SAMMSON: variants seen among roughly 807,000 people sequenced by gnomAD.
SAMMSON encodes the protein long intergenic non-protein coding RNA 1212.
rs185795338 is a variant in SAMMSON at position 70,152,641 on chromosome 3, A to T, written n.507+81076A>T. Among the ~76,000 whole-genome samples, 8 of 152,158 alleles carry T rather than the reference A, an allele frequency of 5.3e-5. No individual in the cohort carries two copies. The East Asian group carries it at 1.5e-3, about 29-fold the overall frequency. On this transcript the variant is annotated intron_variant and non_coding_transcript_variant, in intron 4 of 9. Transcript: ENST00000642114. ...TTTCCCCTTGAGATATTGTCGGAAT[A>T]GACTGCCTTTATGTGTATTATTTTC...
intron 4 of SAMMSON, among the ~76,000 whole-genome samples, chr3:70,196,470 A>G (rs765216095): frequency 1.3e-5 from 2 of 152,234 alleles, no homozygotes; most frequent in Non-Finnish European, 2.9e-5. Context: ...ATACATTATT[A>G]ATAATAACCA....
intron 4 of SAMMSON, among the ~76,000 whole-genome samples, chr3:70,111,574 A>G (rs1269700740): frequency 6.6e-6 from 1 of 152,190 alleles, no homozygotes; most frequent in Non-Finnish European, 1.5e-5. Context: ...TACAAAGCAC[A>G]TGAGGAAGTG....
chr3:70,167,490 C>A (rs1292263105), intron 4 of SAMMSON, among the ~76,000 whole-genome samples: 1 of 151,886 alleles, frequency 6.6e-6, no homozygotes, highest in Non-Finnish European at 1.5e-5. Context: ...AGCCTTTGGA[C>A]ACATTGTATT....
rs1380921828 is a variant in SAMMSON at position 70,098,124 on chromosome 3, T to C, written n.507+26559T>C. ...CCAAATTTACCCACTTGTGGATTTT[T>C]GGGGGATAGAGAAATTATTGCAGGG... On this transcript the variant is annotated intron_variant and non_coding_transcript_variant, in intron 4 of 9. Coordinates refer to ENST00000642114, the Ensembl canonical transcript of SAMMSON. Among the ~76,000 whole-genome samples, 4 of 152,204 alleles carry C rather than the reference T, an allele frequency of 2.6e-5. No individual in the cohort carries two copies. In the South Asian group the frequency reaches 8.3e-4, roughly 32 times the overall value.
chr3:70,192,336 C>G (rs1482631208), intron 4 of SAMMSON, among the ~76,000 whole-genome samples: 4 of 152,152 alleles, frequency 2.6e-5, no homozygotes, highest in African/African-American at 9.7e-5. Context: ...CCCTTTGAAT[C>G]AAGATAACCC....
At chr3:70,338,502 C>T (rs139029690) in intron 7 of SAMMSON, among the ~76,000 whole-genome samples, 266 of 152,036 alleles carry the variant, frequency 1.7e-3, no homozygotes, top group African/African-American at 6.1e-3. Context: ...TATAGAAAAC[C>T]CCATCATCTC....
At chr3:70,327,906 C>T (rs1702590474) in intron 7 of SAMMSON, among the ~76,000 whole-genome samples, 1 of 152,170 alleles carries the variant, frequency 6.6e-6, no homozygotes, top group African/African-American at 2.4e-5. Context: ...GTGACAATGT[C>T]TGTGTATTAG....
chr3:70,111,089 C>G (rs368846008), intron 4 of SAMMSON, among the ~76,000 whole-genome samples: 47 of 152,042 alleles, frequency 3.1e-4, no homozygotes, highest in African/African-American at 1.1e-3. Flanking sequence ...AAAATGATGT[C>G]CAAATCCATT....
intron 3 of SAMMSON, among the ~76,000 whole-genome samples, chr3:70,032,402 G>A (rs754279464): frequency 2.6e-5 from 4 of 152,152 alleles, no homozygotes; most frequent in Non-Finnish European, 4.4e-5. Context: ...TAAAAATATA[G>A]TAAAGATGTA....
intron 4 of SAMMSON, among the ~76,000 whole-genome samples, chr3:70,124,371 T>C (rs1450915916): frequency 6.6e-6 from 1 of 152,196 alleles, no homozygotes; most frequent in Non-Finnish European, 1.5e-5. Context: ...CTTTTTATCA[T>C]TTGCGGGAGA....
intron 3 of SAMMSON, among the ~76,000 whole-genome samples, chr3:70,031,555 C>A (rs566782738): frequency 6.6e-6 from 1 of 152,166 alleles, no homozygotes; most frequent in African/African-American, 2.4e-5. Flanking sequence ...GTATAACACA[C>A]AGGAGAGGGT....
chr3:70,334,067 C>A (rs1472486555), intron 7 of SAMMSON, among the ~76,000 whole-genome samples: 1 of 152,158 alleles, frequency 6.6e-6, no homozygotes, highest in African/African-American at 2.4e-5. Flanking sequence ...CCTAGTTAAG[C>A]AGATTGACAG....
chr3:70,337,274 G>A (rs1702672503), intron 7 of SAMMSON, among the ~76,000 whole-genome samples: 1 of 150,008 alleles, frequency 6.7e-6, no homozygotes, highest in Non-Finnish European at 1.5e-5. Flanking sequence ...TATGTCTCCT[G>A]CTCTTAGGTA....
At chr3:70,283,992 T>A (rs545759242) in intron 6 of SAMMSON, 2 of 152,246 alleles carry the variant, frequency 1.3e-5, no homozygotes, top group Non-Finnish European at 2.9e-5. Flanking sequence ...CCTACTGTCA[T>A]ACAGAAGGGG....
chr3:70,084,143 C>G (rs2320441), intron 4 of SAMMSON, among the ~76,000 whole-genome samples: 32,854 of 152,144 alleles, frequency 0.22, 3,970 homozygotes, highest in East Asian at 0.55. Flanking sequence ...TCACACGCCT[C>G]TTTCTCACTT....
At chr3:70,381,140 A>G (rs2085683776) in intron 9 of SAMMSON, among the ~76,000 whole-genome samples, 1 of 152,188 alleles carries the variant, frequency 6.6e-6, no homozygotes, top group South Asian at 2.1e-4. Context: ...AGAGCAGTGC[A>G]GTTCTCATAG....
chr3:70,415,600 T>C (rs1201721632), intron 2 of SAMMSON, among the ~76,000 whole-genome samples: 1 of 152,162 alleles, frequency 6.6e-6, no homozygotes, highest in African/African-American at 2.4e-5. Flanking sequence ...GAAGACCCAG[T>C]TTTGTTTTTA....
chr3:70,014,989 A>C (rs1488441948), intron 3 of SAMMSON: 1 of 152,164 alleles, frequency 6.6e-6, no homozygotes, highest in African/African-American at 2.4e-5. Context: ...TAGATGTAAA[A>C]CCATCTTGGG....
At chr3:70,290,602 C>A (rs575090871) in intron 6 of SAMMSON, among the ~76,000 whole-genome samples, 1 of 152,202 alleles carries the variant, frequency 6.6e-6, no homozygotes, top group African/African-American at 2.4e-5. Flanking sequence ...TTCGAGTTTC[C>A]GGGCTGTTTT....
Sources: gnomAD v4.1 joint callset for allele counts (sites outside exome capture counted in the v4.1 genomes callset) on GRCh38, gnomAD v4.1.1 for gene constraint, MANE v1.5 for transcripts, NCBI Gene and HGNC (gene_info 2026-07-23, HGNC 2026-07-21) for gene names.